Variants in RNF216 observed in about 807,000 individuals in gnomAD.
RNF216 encodes ring finger protein 216.
Under a neutral mutation model 110.8 loss-of-function variants are expected in RNF216, and 72 were observed. The observed-to-expected ratio is 0.65, with a 90% CI of 0.54 to 0.79. RNF216 has a LOEUF of 0.79. Among genes scored for constraint, RNF216 ranks in the 30% least tolerant of loss-of-function variants. The pLI is 0.00. For synonymous variants in RNF216, 495 were observed against 407.5 expected, an observed-to-expected ratio of 1.21 and a Z score of -2.59; for missense variants, 1,342 against 1,141.2, an observed-to-expected ratio of 1.18 and a Z score of -2.54.
At chr7:5,704,306 G>A (rs965443406) in intron 13 of RNF216, among the ~76,000 whole-genome samples, 3 of 152,092 alleles carry the variant, frequency 2.0e-5, no homozygotes, top group African/African-American at 7.2e-5. Context: ...TTATATTACT[G>A]GCAAAGACAC....
intron 13 of RNF216, among the ~76,000 whole-genome samples, chr7:5,706,904 T>C (rs1792325892): frequency 1.3e-5 from 2 of 152,242 alleles, no homozygotes; most frequent in African/African-American, 2.4e-5. Flanking sequence ...TTTCAGGTCT[T>C]ACACTTAAGT....
chr7:5,749,815 C>T (rs566797602), intron 3 of RNF216, among the ~76,000 whole-genome samples: 1 of 152,260 alleles, frequency 6.6e-6, no homozygotes, highest in African/African-American at 2.4e-5. Context: ...TGTGTAACTG[C>T]TAACCAAGAT....
chr7:5,650,510 A>T (rs1299656796), intron 14 of RNF216, among the ~76,000 whole-genome samples: 1 of 151,936 alleles, frequency 6.6e-6, no homozygotes, highest in Non-Finnish European at 1.5e-5. Context: ...CTGAGGAGAG[A>T]GTATGTTTGC....
chr7:5,732,290 T>G (rs1358766537), intron 5 of RNF216, among the ~76,000 whole-genome samples: 2 of 152,146 alleles, frequency 1.3e-5, no homozygotes, highest in African/African-American at 4.8e-5. Context: ...GGGAAAGGCC[T>G]GAGTTCCAGA....
intron 3 of RNF216, among the ~76,000 whole-genome samples, chr7:5,752,449 T>C (rs1004807217): frequency 5.3e-5 from 8 of 152,174 alleles, no homozygotes; most frequent in Non-Finnish European, 1.0e-4. Context: ...ACTGATTATA[T>C]ATATATCTTT....
intron 13 of RNF216, among the ~76,000 whole-genome samples, chr7:5,687,405 AAAAAAAAAAG>A (rs1384615894): frequency 2.7e-4 from 40 of 147,402 alleles, no homozygotes; most frequent in African/African-American, 1.1e-3. Flanking sequence ...AAAAAAAAAA[AAAAAAAAAAG>A]AAAAAGAAAA....
In RNF216 at chr7:5,735,538, C is replaced by T. The variant is rs959303241; in HGVS notation, c.1121+3738G>A. ...ATTTCATAACTGAAAACCAGTAACA[C>T]GGTAGATGAGTTAAAAGGAGATTAC... On this transcript the variant is annotated intron_variant, in intron 5 of 16. Coordinates refer to ENST00000389902, the MANE Select transcript of RNF216 (RefSeq NM_207111.4). Among the ~76,000 whole-genome samples, 6 of 152,066 alleles carry T rather than the reference C, an allele frequency of 3.9e-5. No homozygotes were observed. In the East Asian group the frequency reaches 7.7e-4, roughly 20 times the overall value.
intron 3 of RNF216, among the ~76,000 whole-genome samples, chr7:5,751,890 A>G (rs1795349883): frequency 1.3e-5 from 2 of 151,810 alleles, no homozygotes; most frequent in African/African-American, 2.4e-5. Context: ...AAACAGTTTA[A>G]AAAGTACAAT....
chr7:5,748,185 T>G (rs957888974), intron 3 of RNF216, among the ~76,000 whole-genome samples: 12 of 152,320 alleles, frequency 7.9e-5, no homozygotes, highest in African/African-American at 1.2e-4. Context: ...TCTGATGAAC[T>G]ACTACATATA....
At chr7:5,653,721 T>G (rs1342238693) in intron 13 of RNF216, among the ~76,000 whole-genome samples, 1 of 152,048 alleles carries the variant, frequency 6.6e-6, no homozygotes, top group African/African-American at 2.4e-5. Context: ...GTTGTCAGTT[T>G]TAAGTGGGGC....
intron 5 of RNF216, chr7:5,733,305 T>A (rs969895589): frequency 7.2e-5 from 11 of 152,202 alleles, no homozygotes; most frequent in African/African-American, 2.7e-4. Context: ...AGTGTTTGTT[T>A]CTGAGTGACA....
chr7:5,740,943 T>C (rs1768394164), intron 4 of RNF216, 30 bp downstream of exon 4: 3 of 1,547,734 alleles, frequency 1.9e-6, no homozygotes, highest in East Asian at 2.2e-5. Flanking sequence ...ATATGTAGTG[T>C]CTACATTTAC....
At chr7:5,738,730 A>T (rs1794582762) in intron 5 of RNF216, among the ~76,000 whole-genome samples, 2 of 140,222 alleles carry the variant, frequency 1.4e-5, no homozygotes, top group South Asian at 4.5e-4. Flanking sequence ...AAAAAAAAAA[A>T]AATGCTTCCA....
chr7:5,774,689 G>A (rs1055593751), intron 1 of RNF216, among the ~76,000 whole-genome samples: 2 of 151,374 alleles, frequency 1.3e-5, no homozygotes, highest in African/African-American at 2.4e-5. Context: ...AAGTACACAG[G>A]AAATGCAGTG....
At chr7:5,663,571 G>C (rs551301414) in intron 13 of RNF216, among the ~76,000 whole-genome samples, 4 of 132,124 alleles carry the variant, frequency 3.0e-5, no homozygotes, top group African/African-American at 1.2e-4. Flanking sequence ...GCGACACAGC[G>C]AGACTCCACC....
intron 3 of RNF216, among the ~76,000 whole-genome samples, chr7:5,746,664 A>G (rs1392306883): frequency 2.6e-5 from 4 of 152,226 alleles, no homozygotes; most frequent in Non-Finnish European, 5.9e-5. Flanking sequence ...AAGGTCCAAC[A>G]TAAAAACAGC....
intron 13 of RNF216, among the ~76,000 whole-genome samples, chr7:5,697,361 C>T (rs1026717864): frequency 1.3e-5 from 2 of 152,218 alleles, no homozygotes; most frequent in Non-Finnish European, 2.9e-5. Flanking sequence ...ATGCTCAATA[C>T]ATATCTGCTG....
intron 13 of RNF216, among the ~76,000 whole-genome samples, chr7:5,663,807 A>G (rs1239437451): frequency 6.6e-6 from 1 of 152,106 alleles, no homozygotes; most frequent in African/African-American, 2.4e-5. Context: ...CTGAGACAGA[A>G]GAATCACTTG....
intron 1 of RNF216, among the ~76,000 whole-genome samples, chr7:5,779,422 A>C (rs1284753571): frequency 1.3e-5 from 2 of 152,116 alleles, no homozygotes; most frequent in Admixed American, 6.6e-5. Context: ...CCCCAGGCGC[A>C]ATAAATTATG....
Sources: allele counts gnomAD v4.1 joint callset (sites outside exome capture counted in the v4.1 genomes callset), GRCh38; gene constraint gnomAD v4.1.1; transcripts MANE v1.5; gene names NCBI Gene and HGNC (gene_info 2026-07-23, HGNC 2026-07-21).